The following ILDR2 variants were observed in gnomAD, a reference collection of about 807,000 sequenced individuals.
ILDR2 encodes the protein immunoglobulin like domain containing receptor 2, also known as immunoglobulin-like domain-containing receptor 2.
A neutral mutation model predicts 66.8 loss-of-function variants in ILDR2; 25 were observed. The observed-to-expected ratio is 0.37, with a 90% CI of 0.27 to 0.52. The LOEUF is 0.52. Ranked by LOEUF, ILDR2 falls within the 20% of genes least tolerant of loss-of-function variation. ILDR2 has a pLI of 0.88. For missense variants in ILDR2, 827 were observed against 876.8 expected, an observed-to-expected ratio of 0.94 and a Z score of 0.72; for synonymous variants, 367 against 357.2, an observed-to-expected ratio of 1.03 and a Z score of -0.31.
chr1:166,950,678 G>C (rs536787585), intron 3 of ILDR2, among the ~76,000 whole-genome samples: 2 of 150,506 alleles, frequency 1.3e-5, no homozygotes, highest in Non-Finnish European at 2.9e-5. Flanking sequence ...TTATTTTAAA[G>C]CAGAATAACA....
At position 166,936,212 on chromosome 1, in the gene ILDR2, G is replaced by C. The variant is rs1408577943; in HGVS notation, c.703+379C>G. Among the ~76,000 whole-genome samples the C allele has an allele frequency of 6.6e-6, 1 of 152,130 alleles. No homozygotes were observed. The highest frequency in any genetic ancestry group is 1.5e-5 in the Non-Finnish European group (1 of 68,028). On this transcript the variant is annotated intron_variant, in intron 5 of 9. Transcript: ENST00000271417. The surrounding 1 kb of genome is among the most constrained non-coding windows in gnomAD (Gnocchi z 5.0). ...TTGCACACTCTTCTCATATAAAAAG[G>C]AACTTCTCTGCATGGGAAGGGAACG... is the stretch of plus-strand genomic sequence containing the variant.
In ILDR2 at chr1:166,912,848, C is replaced by G. The variant is rs751743821; in HGVS notation, c.*6507G>C. The G allele has an allele frequency of 6.6e-6, 1 of 152,190 alleles. No homozygotes were observed. The highest frequency in any genetic ancestry group is 2.4e-5 in the African/African-American group (1 of 41,434). The allele number at this position is 152,190 out of a possible 1,614,324, so 9.4% of individuals were successfully genotyped here. A position where few individuals can be genotyped will look rare whatever the true frequency, so the allele number is the denominator to read the frequency against. On this transcript the variant is annotated 3_prime_UTR_variant, in exon 10 of 10. Transcript: ENST00000271417. ...CCACGAATAGCTTCCTTCCTCCCTT[C>G]CCCAAGTGTAATTTCTAGCAGGCAT...
rs1308636312 is a variant in ILDR2, at chr1:166,914,833, A to G, written c.*4522T>C. The G allele has an allele frequency of 2.6e-5, 4 of 152,170 alleles. No individual in the cohort carries two copies. The allele number at this position is 152,170 out of a possible 1,614,324, so 9.4% of individuals were successfully genotyped here. ...TTGGATTTCTACATCCTATCAATCAATTTCAGACTTCCATTAAGATGCTGG... is the reference window on the plus strand; with the variant it reads ...TTGGATTTCTACATCCTATCAATCAGTTTCAGACTTCCATTAAGATGCTGG... On this transcript the variant is annotated 3_prime_UTR_variant, in exon 10 of 10. Transcript: ENST00000271417.
chr1:166,933,421 G>A (rs1334003054), intron 6 of ILDR2: 1 of 238,772 alleles, frequency 4.2e-6, no homozygotes, highest in Non-Finnish European at 6.8e-6. Flanking sequence ...GATAACAGAA[G>A]AAAAGACAGA....
At chr1:166,971,164 C>T (rs1663267429) in intron 1 of ILDR2, among the ~76,000 whole-genome samples, 2 of 152,320 alleles carry the variant, frequency 1.3e-5, no homozygotes, top group African/African-American at 2.4e-5. Context: ...TGCTTTTGCA[C>T]AATGCTACTC....
At chr1:166,931,880 T>C (rs1476751973) in intron 6 of ILDR2, among the ~76,000 whole-genome samples, 1 of 152,110 alleles carries the variant, frequency 6.6e-6, no homozygotes, top group Non-Finnish European at 1.5e-5. Flanking sequence ...GCAGATTAAT[T>C]CAATTTCCTA....
Position 166,921,394 on chromosome 1 carries a change from G to A in ILDR2, c.1212-15C>T, listed in dbSNP as rs1293802457. On this transcript the variant is annotated splice_polypyrimidine_tract_variant and intron_variant, in intron 8 of 9. Coordinates refer to ENST00000271417, the MANE Select transcript of ILDR2 (RefSeq NM_199351.3). The surrounding 1 kb of genome is among the most constrained non-coding windows in gnomAD (Gnocchi z 5.3). The stretch of plus-strand genomic sequence containing the variant: ...AGCGCGGCTGGCTGCGGGCAGAGAA[G>A]GAGGGGGTCAGACGGCCGGTCCCTC... The A allele has an allele frequency of 1.9e-6, 3 of 1,542,156 alleles. No individual in the cohort carries two copies. The highest frequency in any genetic ancestry group is 2.7e-5 in the African/African-American group (2 of 73,054).
At chr1:166,966,952 C>T (rs1485476520) in intron 1 of ILDR2, among the ~76,000 whole-genome samples, 6 of 152,190 alleles carry the variant, frequency 3.9e-5, no homozygotes, top group Admixed American at 3.9e-4. Flanking sequence ...TATACAACTT[C>T]ACTGTCTATC....
In ILDR2 at chr1:166,935,497, G is replaced by C. The variant is rs199573047; in HGVS notation, c.704-20C>G. 1.3e-5 allele frequency: 20 copies of C among 1,543,380 alleles called. No individual in the cohort carries two copies. Among genetic ancestry groups the C allele is most frequent in the Non-Finnish European group, 1.7e-5 (20 of 1,147,008 alleles). On this transcript the variant is annotated intron_variant, in intron 5 of 9. Coordinates refer to ENST00000271417, the MANE Select transcript of ILDR2 (RefSeq NM_199351.3). ...CATACACTGTGGAGGGAGATCAAGA[G>C]CAAGAGAGATTACGTCGTCCCACCC...
Position 166,917,964 on chromosome 1 carries a change from GTC to G in ILDR2, c.*1389_*1390del, listed in dbSNP as rs1405479188. ...AGCCCCATGCACAAGAACTTTTCAA[GTC>G]TCTGCTTGTGTCACATTTGTTGGGC... On this transcript the variant is annotated 3_prime_UTR_variant, in exon 10 of 10. Coordinates refer to ENST00000271417, the MANE Select transcript of ILDR2 (RefSeq NM_199351.3). 6.6e-6 allele frequency: 1 copy of G among 152,172 alleles called. No homozygotes were observed. The highest frequency in any genetic ancestry group is 2.4e-5 in the African/African-American group (1 of 41,442). 9.4% of individuals were successfully genotyped at this position (152,172 alleles called of 1,614,324 possible). A position where few individuals can be genotyped will look rare whatever the true frequency, so the allele number is the denominator to read the frequency against.
rs1169738647 is a variant in ILDR2, at chr1:166,908,923, TAAAG to T, written c.*10428_*10431del. 2 of 152,250 alleles carry T rather than the reference TAAAG, an allele frequency of 1.3e-5. No individual in the cohort carries two copies. Among genetic ancestry groups the T allele is most frequent in the African/African-American group, 2.4e-5 (1 of 41,448 alleles). 9.4% of individuals were successfully genotyped at this position (152,250 alleles called of 1,614,324 possible). ...TTGTTCAGGGCTCTGTGGCTGCAGA[TAAAG>T]AATCTTTTCGGATGCAGTAGCAGAT... On this transcript the variant is annotated 3_prime_UTR_variant, in exon 10 of 10. Transcript: ENST00000271417.
At chr1:166,907,732 TA>T (rs1274067641), downstream of ILDR2, among the ~76,000 whole-genome samples, 1 of 152,238 alleles carries the variant, frequency 6.6e-6, no homozygotes, top group Non-Finnish European at 1.5e-5. Flanking sequence ...TAATGTAATG[TA>T]AAAATTATAC....
chr1:166,963,837 A>C (rs1444495517), intron 1 of ILDR2, among the ~76,000 whole-genome samples: 1 of 152,158 alleles, frequency 6.6e-6, no homozygotes, highest in Non-Finnish European at 1.5e-5. Flanking sequence ...GACATAGAGA[A>C]GCACTGAAAA....
chr1:166,946,819 T>C (rs749350710), intron 3 of ILDR2, among the ~76,000 whole-genome samples: 8 of 152,228 alleles, frequency 5.3e-5, no homozygotes, highest in Non-Finnish European at 1.2e-4. Flanking sequence ...ATATTTGTAG[T>C]GAATGACCCT....
chr1:166,964,724 AG>A (rs926057747), intron 1 of ILDR2, among the ~76,000 whole-genome samples: 1 of 152,156 alleles, frequency 6.6e-6, no homozygotes, highest in African/African-American at 2.4e-5. Flanking sequence ...TCACCAGGCT[AG>A]GGAAGATCAG....
chr1:166,937,047 T>C (rs1258447332), intron 4 of ILDR2, among the ~76,000 whole-genome samples: 6 of 152,236 alleles, frequency 3.9e-5, no homozygotes, highest in African/African-American at 1.4e-4. Context: ...CACTATTGAC[T>C]GTAGCATCAG....
Position 166,909,781 on chromosome 1 carries a change from T to TATATATATATATAAATATATATAAATATA in ILDR2, c.*9573_*9574insTATATTTATATATATTTATATATATATAT, listed in dbSNP as rs1557921377. ...TATAAATATATATAAATATATATAT[T>TATATATATATATAAATATATATAAATATA]TATATATATATATATATATATATAT... On this transcript the variant is annotated 3_prime_UTR_variant, in exon 10 of 10. Coordinates refer to ENST00000271417, the MANE Select transcript of ILDR2 (RefSeq NM_199351.3). 1.6e-5 allele frequency: 1 copy of TATATATATATATAAATATATATAAATATA among 64,246 alleles called. No individual in the cohort carries two copies. Among genetic ancestry groups the TATATATATATATAAATATATATAAATATA allele is most frequent in the Non-Finnish European group, 2.9e-5 (1 of 34,828 alleles). The allele number at this position is 64,246 out of a possible 1,614,324, so 4.0% of individuals were successfully genotyped here. A position where few individuals can be genotyped will look rare whatever the true frequency, so the allele number is the denominator to read the frequency against.
Position 166,896,545 on chromosome 1 carries a change from G to T in ILDR2, n.172-444C>A, listed in dbSNP as rs1305957650. On this transcript the variant is annotated intron_variant and non_coding_transcript_variant, in intron 2 of 2. Coordinates refer to the ILDR2 transcript ENST00000414590. ...TCATGTAAAGTCAAAAATGGAAACA[G>T]ATATATATATATATATATATCTCAT... Among the ~76,000 whole-genome samples the T allele has an allele frequency of 4.8e-5, 7 of 146,456 alleles. No homozygotes were observed. In the East Asian group the frequency reaches 1.2e-3, roughly 25 times the overall value.
chr1:166,933,570 C>A (rs1293434552), intron 6 of ILDR2: 15 of 981,396 alleles, frequency 1.5e-5, no homozygotes, highest in Non-Finnish European at 1.8e-5. Flanking sequence ...AATGGTTGAA[C>A]TGCAACAAAG....
Sources: allele counts gnomAD v4.1 joint callset (sites outside exome capture counted in the v4.1 genomes callset), GRCh38; gene constraint gnomAD v4.1.1; non-coding constraint Gnocchi (gnomAD v3.1); transcripts MANE v1.5; gene names NCBI Gene and HGNC (gene_info 2026-07-23, HGNC 2026-07-21).